Variants in PALD1 observed in about 807,000 individuals in gnomAD.
The protein encoded by PALD1 is phosphatase domain containing paladin 1.
PALD1 carries 57 observed loss-of-function variants against 96.0 expected under a neutral mutation model. That is an observed-to-expected ratio of 0.59 (90% CI 0.48 to 0.74). PALD1 has a LOEUF of 0.74. Ranked by LOEUF, PALD1 falls within the 30% of genes least tolerant of loss-of-function variation. The pLI is 0.00. For missense variants in PALD1, 1,063 were observed against 1,143.7 expected, an observed-to-expected ratio of 0.93 and a Z score of 1.02; for synonymous variants, 464 against 473.6, an observed-to-expected ratio of 0.98 and a Z score of 0.26.
rs1445875502 is a variant in PALD1 at position 70,516,747 on chromosome 10, GAC to G, written c.-29-9174_-29-9173del. Among the ~76,000 whole-genome samples, 4 of 151,948 alleles carry G rather than the reference GAC, an allele frequency of 2.6e-5. No homozygotes were observed. In the East Asian group the frequency reaches 7.8e-4, roughly 29 times the overall value. On this transcript the variant is annotated intron_variant, in intron 1 of 19. Transcript: ENST00000263563. ...TTTTTTTCTTTCTATCTTTGGCAGA[GAC>G]AGCGTTTCTGTGTTGCCCAGGCTGG...
At chr10:70,505,603 TCAAAA>T (rs71472970) in intron 1 of PALD1, among the ~76,000 whole-genome samples, 57,466 of 149,366 alleles carry the variant, frequency 0.38, 11,250 homozygotes, top group Non-Finnish European at 0.41. Flanking sequence ...AAACTCTGTC[TCAAAA>T]CAAAACAAAA....
chr10:70,548,271 C>G lies in PALD1; in HGVS notation c.2262+825C>G, dbSNP rs967386411. On this transcript the variant is annotated intron_variant, in intron 18 of 19. Transcript: ENST00000263563. ...GGTGAGCCAAGATCGTGCCATTGCA[C>G]TCCAGCTTGGGTGATAGTGAGACTC... is the stretch of plus-strand genomic sequence containing the variant. 8.7e-4 allele frequency among the ~76,000 whole-genome samples: 132 copies of G among 152,102 alleles called. 1 individual carries two copies. The highest frequency in any genetic ancestry group is 6.2e-4 in the South Asian group (3 of 4,810).
chr10:70,512,965 G>A (rs934482501), intron 1 of PALD1, among the ~76,000 whole-genome samples: 1 of 152,172 alleles, frequency 6.6e-6, no homozygotes, highest in African/African-American at 2.4e-5. Context: ...AATTAGAGTG[G>A]AAAATACAAA....
intron 4 of PALD1, among the ~76,000 whole-genome samples, chr10:70,530,631 C>T (rs1846972667): frequency 1.3e-5 from 2 of 152,104 alleles, no homozygotes. Context: ...GTCCCTAGGA[C>T]ACAGGCTGAG....
At chr10:70,558,926 A>C (rs1218966173) in intron 18 of PALD1, among the ~76,000 whole-genome samples, 1 of 152,044 alleles carries the variant, frequency 6.6e-6, no homozygotes, top group Non-Finnish European at 1.5e-5. Context: ...TGCAGTACTG[A>C]TAATGCCGAG....
intron 1 of PALD1, among the ~76,000 whole-genome samples, chr10:70,503,072 G>A (rs555348752): frequency 6.6e-6 from 1 of 151,950 alleles, no homozygotes; most frequent in South Asian, 2.1e-4. Flanking sequence ...TAGAGATGGG[G>A]TTTCTCCATG....
chr10:70,464,387 T>C, the PALD1 span, among the ~76,000 whole-genome samples: 8 of 151,848 alleles, frequency 5.3e-5, no homozygotes, highest in Non-Finnish European at 1.2e-4. Context: ...AATTTTTTCG[T>C]ATTTTTAGTT....
At chr10:70,531,153 T>G (rs2132367624) in intron 4 of PALD1, 137 bp from the exon 5 acceptor site, 1 of 688,002 alleles carries the variant, frequency 1.5e-6, no homozygotes, top group Non-Finnish European at 2.5e-6. Flanking sequence ...GTTTCTTGGG[T>G]AGGATTCAGG....
Position 70,557,131 on chromosome 10 carries a change from C to A in PALD1, c.2263-7233C>A, listed in dbSNP as rs78367860. Among the ~76,000 whole-genome samples, 675 of 152,370 alleles carry A rather than the reference C, an allele frequency of 4.4e-3. 2 individuals carry two copies. Among genetic ancestry groups the A allele is most frequent in the African/African-American group, 0.015 (639 of 41,582 alleles). ...CAGGGGTTGGAAGCCCTGGCTGCAGCCCTGGCTCTGCCAGTAACTCCCTGT... is the reference window on the plus strand; with the variant it reads ...CAGGGGTTGGAAGCCCTGGCTGCAGACCTGGCTCTGCCAGTAACTCCCTGT... On this transcript the variant is annotated intron_variant, in intron 18 of 19. Transcript: ENST00000263563.
intron 18 of PALD1, among the ~76,000 whole-genome samples, chr10:70,564,033 C>T (rs61857125): frequency 0.25 from 38,652 of 152,174 alleles, 5,346 homozygotes; most frequent in Non-Finnish European, 0.32. Flanking sequence ...AGGGCCTCAG[C>T]ATACCTCAGG....
chr10:70,528,650 C>T (rs1846921932), intron 2 of PALD1, among the ~76,000 whole-genome samples: 1 of 152,200 alleles, frequency 6.6e-6, no homozygotes, highest in South Asian at 2.1e-4. Context: ...CTTCAGGGTA[C>T]AGGCTAGGCC....
chr10:70,513,406 G>T (rs1846555877), intron 1 of PALD1, among the ~76,000 whole-genome samples: 1 of 152,158 alleles, frequency 6.6e-6, no homozygotes, highest in Non-Finnish European at 1.5e-5. Flanking sequence ...CAGCTACTTG[G>T]GAGGCTGAGG....
chr10:70,518,913 G>T (rs1212450988), intron 1 of PALD1, among the ~76,000 whole-genome samples: 1 of 152,186 alleles, frequency 6.6e-6, no homozygotes, highest in Non-Finnish European at 1.5e-5. Flanking sequence ...ACACATCTCT[G>T]TGTGTTCACA....
At position 70,529,269 on chromosome 10, in the gene PALD1, C is replaced by T; in HGVS notation, c.226C>T (p.Leu76Phe). Residue 76 changes from leucine to phenylalanine, a missense_variant, in exon 3 of 20, where the codon CTC becomes TTC. Coordinates refer to ENST00000263563, the MANE Select transcript of PALD1 (RefSeq NM_014431.3). ...GGAGTTCCAGATCCATGATGAGCTGCTCAAGGCTCATTACACGTTGGGCCG... is the reference window on the plus strand; with the variant it reads ...GGAGTTCCAGATCCATGATGAGCTGTTCAAGGCTCATTACACGTTGGGCCG... Reference protein sequence around the residue: ...KEEFQIHDELLKAHYTLGRLS... With the variant: ...KEEFQIHDELFKAHYTLGRLS... 1 of 1,386,736 alleles carries T rather than the reference C, an allele frequency of 7.2e-7. No homozygotes were observed. Among genetic ancestry groups the T allele is most frequent in the South Asian group, 1.1e-5 (1 of 86,974 alleles). 85.9% of individuals were successfully genotyped at this position (1,386,736 alleles called of 1,614,324 possible).
the PALD1 span, among the ~76,000 whole-genome samples, chr10:70,464,483 G>A: frequency 6.6e-6 from 1 of 151,700 alleles, no homozygotes; most frequent in African/African-American, 2.4e-5. Context: ...CAAAGTACTG[G>A]GATTACATGC....
At chr10:70,541,398 C>T (rs1194178463) in intron 16 of PALD1, 65 bp from the exon 17 acceptor site, 1 of 1,557,026 alleles carries the variant, frequency 6.4e-7, no homozygotes, top group African/African-American at 1.4e-5. Flanking sequence ...GCCCCCAAGT[C>T]CTCCCCAGCA....
chr10:70,556,992 A>G (rs536402117), intron 18 of PALD1, among the ~76,000 whole-genome samples: 1 of 152,200 alleles, frequency 6.6e-6, no homozygotes, highest in South Asian at 2.1e-4. Flanking sequence ...GATGGAGGGA[A>G]GGTTGAGTAA....
chr10:70,547,029 A>G (rs559900888), intron 17 of PALD1, among the ~76,000 whole-genome samples: 17 of 152,248 alleles, frequency 1.1e-4, no homozygotes, highest in Non-Finnish European at 2.5e-4. Flanking sequence ...TTTTTTAGAT[A>G]TTCGGTACAA....
At chr10:70,476,569 C>G (rs892006559), upstream of PALD1, among the ~76,000 whole-genome samples, 29 of 152,258 alleles carry the variant, frequency 1.9e-4, no homozygotes, top group Admixed American at 2.0e-4. Context: ...GTGGCCTGAC[C>G]CTGAGGAACC....
Sources: allele counts gnomAD v4.1 joint callset (sites outside exome capture counted in the v4.1 genomes callset), GRCh38; gene constraint gnomAD v4.1.1; transcripts MANE v1.5; gene names NCBI Gene and HGNC (gene_info 2026-07-23, HGNC 2026-07-21).